Variants in MSRA observed in about 807,000 individuals in gnomAD.
The protein encoded by MSRA is mitochondrial peptide methionine sulfoxide reductase.
Under a neutral mutation model 31.3 loss-of-function variants are expected in MSRA, and 54 were observed. That is an observed-to-expected ratio of 1.73 (90% CI 1.39 to 2.17). MSRA has a LOEUF of 2.17. MSRA is among the 30% of genes most tolerant of loss of function. The pLI, the probability that MSRA is intolerant of heterozygous loss-of-function variation, is 0.00. For synonymous variants in MSRA, 169 were observed against 116.5 expected (o/e 1.45, Z -2.90); for missense variants, 507 against 300.9 (o/e 1.69, Z -5.07).
At chr8:10,258,499 C>T (rs550084153) in intron 3 of MSRA, among the ~76,000 whole-genome samples, 2 of 152,284 alleles carry the variant, frequency 1.3e-5, no homozygotes, top group South Asian at 4.1e-4. Context: ...GCCTTGCTCT[C>T]AATAGGCTCC....
chr8:10,268,928 G>A (rs1798885051), intron 3 of MSRA, among the ~76,000 whole-genome samples: 3 of 152,146 alleles, frequency 2.0e-5, no homozygotes. Context: ...CCACCTCTTG[G>A]GACGCTTATT....
At chr8:10,116,597 A>T (rs140778658) in intron 1 of MSRA, among the ~76,000 whole-genome samples, 2 of 152,210 alleles carry the variant, frequency 1.3e-5, no homozygotes, top group Non-Finnish European at 2.9e-5. Context: ...GATAACATAC[A>T]TGCCATCGAT....
intron 3 of MSRA, among the ~76,000 whole-genome samples, chr8:10,260,206 A>C (rs560663417): frequency 6.6e-6 from 1 of 152,330 alleles, no homozygotes; most frequent in African/African-American, 2.4e-5. Flanking sequence ...TCTCCTTGCC[A>C]TTTGGTCCAG....
chr8:10,270,716 G>C (rs1346965038), intron 3 of MSRA, among the ~76,000 whole-genome samples: 1 of 152,200 alleles, frequency 6.6e-6, no homozygotes, highest in Non-Finnish European at 1.5e-5. Context: ...TTCATAACGA[G>C]TATTGACACA....
At chr8:10,350,520 A>G (rs1382692740) in intron 5 of MSRA, among the ~76,000 whole-genome samples, 1 of 152,188 alleles carries the variant, frequency 6.6e-6, no homozygotes, top group East Asian at 1.9e-4. Context: ...ATTAAGATGG[A>G]TTTTAGAGTT....
intron 5 of MSRA, among the ~76,000 whole-genome samples, chr8:10,328,470 T>C: frequency 6.6e-6 from 1 of 152,060 alleles, no homozygotes; most frequent in East Asian, 1.9e-4. Context: ...CATTATCTGT[T>C]CCTGGACAAC....
At chr8:10,158,608 C>T (rs534265676) in intron 1 of MSRA, among the ~76,000 whole-genome samples, 77 of 152,314 alleles carry the variant, frequency 5.1e-4, no homozygotes, top group Non-Finnish European at 7.2e-4. Context: ...TGTATGGAGA[C>T]ACCACATTTT....
chr8:10,385,853 G>A (rs1032901332), intron 5 of MSRA, among the ~76,000 whole-genome samples: 1 of 152,042 alleles, frequency 6.6e-6, no homozygotes, highest in Non-Finnish European at 1.5e-5. Context: ...ACAGAATAGC[G>A]CCAGTGTGGA....
At chr8:10,299,878 A>G (rs963148835) in intron 3 of MSRA, among the ~76,000 whole-genome samples, 1 of 152,254 alleles carries the variant, frequency 6.6e-6, no homozygotes, top group Non-Finnish European at 1.5e-5. Context: ...AATTCCATTT[A>G]TATAACTAAG....
At chr8:10,376,130 A>G (rs1270751999) in intron 5 of MSRA, among the ~76,000 whole-genome samples, 2 of 151,982 alleles carry the variant, frequency 1.3e-5, no homozygotes, top group Non-Finnish European at 2.9e-5. Flanking sequence ...CATTTCTGAC[A>G]ATCTGAGCTG....
chr8:10,396,941 C>T (rs1212843588), intron 5 of MSRA, among the ~76,000 whole-genome samples: 2 of 152,154 alleles, frequency 1.3e-5, no homozygotes, highest in African/African-American at 4.8e-5. Context: ...TGCCATCAGT[C>T]GGCTTCCAAA....
chr8:10,066,500 A>G (rs1563390993), intron 1 of MSRA, among the ~76,000 whole-genome samples: 1 of 152,164 alleles, frequency 6.6e-6, no homozygotes, highest in Non-Finnish European at 1.5e-5. Context: ...CTTGCTTAAT[A>G]GTACATCATA....
At chr8:10,421,134 T>C (rs115928225) in intron 5 of MSRA, among the ~76,000 whole-genome samples, 64 of 152,202 alleles carry the variant, frequency 4.2e-4, no homozygotes, top group African/African-American at 1.5e-3. Flanking sequence ...CTCCTTTGGG[T>C]ATTTTATAAC....
chr8:10,067,582 T>C (rs1359019220), intron 1 of MSRA, among the ~76,000 whole-genome samples: 12 of 152,242 alleles, frequency 7.9e-5, no homozygotes, highest in Admixed American at 7.8e-4. Flanking sequence ...ATGGTATATG[T>C]AGTTCCATAA....
At chr8:10,271,767 G>A in intron 3 of MSRA, among the ~76,000 whole-genome samples, 1 of 149,666 alleles carries the variant, frequency 6.7e-6, no homozygotes, top group Non-Finnish European at 1.5e-5. Context: ...CGCCCAGGCT[G>A]GAGTACAGTG....
intron 4 of MSRA, among the ~76,000 whole-genome samples, chr8:10,316,186 A>G (rs1053537827): frequency 2.0e-5 from 3 of 152,272 alleles, no homozygotes; most frequent in East Asian, 1.9e-4. Flanking sequence ...TTCCTTTTAG[A>G]AGAGAGCCAC....
At chr8:10,392,609 G>C (rs1806816556) in intron 5 of MSRA, among the ~76,000 whole-genome samples, 2 of 152,032 alleles carry the variant, frequency 1.3e-5, no homozygotes, top group Admixed American at 1.3e-4. Context: ...ACCGAATCTG[G>C]TGGTAAGGAT....
At chr8:10,242,296 G>T (rs992790073) in intron 2 of MSRA, among the ~76,000 whole-genome samples, 60 of 151,592 alleles carry the variant, frequency 4.0e-4, no homozygotes, top group African/African-American at 1.3e-3. Context: ...ACTTAAAGAC[G>T]TATCAAATTT....
Position 10,389,361 on chromosome 8 carries a change from C to T in MSRA, c.544-38787C>T, listed in dbSNP as rs151018649. The stretch of plus-strand genomic sequence containing the variant: ...GTGAGAAGCTTTGATAAAACACTGC[C>T]GTTACAGTGTGAGGGAGGCTTCAAC... On this transcript the variant is annotated intron_variant, in intron 5 of 5. Coordinates refer to ENST00000317173, the MANE Select transcript of MSRA (RefSeq NM_012331.5). Among the ~76,000 whole-genome samples the T allele has an allele frequency of 5.8e-4, 88 of 152,270 alleles. 1 individual carries two copies. Among genetic ancestry groups the T allele is most frequent in the African/African-American group, 2.1e-3 (86 of 41,548 alleles).
Sources: gnomAD v4.1 joint callset for allele counts (sites outside exome capture counted in the v4.1 genomes callset) on GRCh38, gnomAD v4.1.1 for gene constraint, MANE v1.5 for transcripts, NCBI Gene and HGNC (gene_info 2026-07-23, HGNC 2026-07-21) for gene names.